EFL1: variants seen among roughly 807,000 people sequenced by gnomAD.
The protein encoded by EFL1 is elongation factor-like GTPase 1.
In EFL1, 76 loss-of-function variants were observed where a neutral mutation model predicts 126.7. That is an observed-to-expected ratio of 0.60 (90% CI 0.50 to 0.73). The LOEUF (loss-of-function observed/expected upper bound fraction) is 0.73. Ranked by LOEUF, EFL1 falls within the 30% of genes least tolerant of loss-of-function variation. EFL1 has a pLI of 0.00. For synonymous variants in EFL1, 410 were observed against 448.4 expected (o/e 0.91, Z 1.08); for missense variants, 1,128 against 1,343.2 (o/e 0.84, Z 2.50).
At chr15:82,136,845 A>G (rs546015888) in intron 19 of EFL1, among the ~76,000 whole-genome samples, 1 of 152,318 alleles carries the variant, frequency 6.6e-6, no homozygotes, top group East Asian at 1.9e-4. Context: ...GCAATATCGC[A>G]TCAGATATAA....
intron 18 of EFL1, among the ~76,000 whole-genome samples, chr15:82,143,336 C>T (rs2073809075): frequency 6.6e-6 from 1 of 152,014 alleles, no homozygotes; most frequent in African/African-American, 2.4e-5. Context: ...TACAGTTATG[C>T]AAAATGTACT....
At chr15:82,186,765 T>G (rs1307211549) in intron 15 of EFL1, among the ~76,000 whole-genome samples, 1 of 152,212 alleles carries the variant, frequency 6.6e-6, no homozygotes, top group Non-Finnish European at 1.5e-5. Flanking sequence ...TAGTCCCACA[T>G]GACTCAGTGT....
At position 82,228,313 on chromosome 15, in the gene EFL1, A is replaced by G; in HGVS notation, c.947T>C (p.Ile316Thr). The part of the protein sequence containing the change: ...DAVLKKDKDK[I>T]DKIVTSLGLK... ...TCCTAAAGAAGTCACTATTTTATCA[A>G]TTTTGTCTTTGTCCCTGTGGTAAAC... Residue 316 changes from isoleucine (I) to threonine (T), a missense_variant, in exon 10 of 20, where the codon ATT becomes ACT. By Grantham distance (89) the Ile-to-Thr change is moderately conservative (BLOSUM62 -1). This residue lies in a region of EFL1 where 316 missense variants were observed against 318.5 expected (regional missense o/e 0.99). Coordinates refer to ENST00000268206, the MANE Select transcript of EFL1 (RefSeq NM_024580.6). The G allele has an allele frequency of 6.2e-7, 1 of 1,613,666 alleles. No homozygotes were observed. The highest frequency in any genetic ancestry group is 8.5e-7 in the Non-Finnish European group (1 of 1,179,846).
intron 15 of EFL1, among the ~76,000 whole-genome samples, chr15:82,191,645 A>G (rs934426015): frequency 4.0e-5 from 6 of 151,258 alleles, no homozygotes; most frequent in Non-Finnish European, 7.4e-5. Flanking sequence ...TACTGGGATC[A>G]TTTCAGGCCA....
chr15:82,231,035 T>C, intron 7 of EFL1, 64 bp from the exon 8 acceptor site: 2 of 1,552,040 alleles, frequency 1.3e-6, no homozygotes, highest in African/African-American at 2.8e-5. Context: ...TGACAGGTAC[T>C]GTTCAAACTT....
rs535286113 is a variant in EFL1, at chr15:82,183,178, A to G, written c.1751-19194T>C. ...TCTGGCTATATACTCAGCGGCAAAAAGTACCAATGTCTCAAATGTAGGGAG... is the reference window on the plus strand; with the variant it reads ...TCTGGCTATATACTCAGCGGCAAAAGGTACCAATGTCTCAAATGTAGGGAG... On this transcript the variant is annotated intron_variant, in intron 15 of 19. Coordinates refer to ENST00000268206, the MANE Select transcript of EFL1 (RefSeq NM_024580.6). Among the ~76,000 whole-genome samples, 86 of 152,334 alleles carry G rather than the reference A, an allele frequency of 5.6e-4. 1 individual carries two copies. The highest frequency in any genetic ancestry group is 5.4e-3 in the Admixed American group (82 of 15,304).
At chr15:82,260,282 C>T (rs2075101839) in intron 2 of EFL1, among the ~76,000 whole-genome samples, 1 of 151,978 alleles carries the variant, frequency 6.6e-6, no homozygotes, top group Non-Finnish European at 1.5e-5. Context: ...AAAATGTGAG[C>T]AGTAAAATTA....
In EFL1 at chr15:82,262,610, T is replaced by C; in HGVS notation, c.-20+4A>G. 1 of 394,462 alleles carries C rather than the reference T, an allele frequency of 2.5e-6. No homozygotes were observed. The highest frequency in any genetic ancestry group is 2.7e-5 in the South Asian group (1 of 36,414). The allele number at this position is 394,462 out of a possible 1,614,324, so 24.4% of individuals were successfully genotyped here. A position where few individuals can be genotyped will look rare whatever the true frequency, so the allele number is the denominator to read the frequency against. ...TCCAGCCCCCAGCGCCAGCCCACACTCACCGGCTGCAGCAGCCCCACCAGC... is the reference window on the plus strand; with the variant it reads ...TCCAGCCCCCAGCGCCAGCCCACACCCACCGGCTGCAGCAGCCCCACCAGC... On this transcript the variant is annotated splice_donor_region_variant and intron_variant, in intron 1 of 19. Coordinates refer to ENST00000268206, the MANE Select transcript of EFL1 (RefSeq NM_024580.6).
At chr15:82,209,316 G>GACACAGACACACACACAC (rs377447819) in intron 15 of EFL1, among the ~76,000 whole-genome samples, 2 of 146,238 alleles carry the variant, frequency 1.4e-5, no homozygotes, top group African/African-American at 5.1e-5. Flanking sequence ...CACAGACACA[G>GACACAGACACACACACAC]ACACACACAC....
intron 19 of EFL1, among the ~76,000 whole-genome samples, chr15:82,131,465 A>AT (rs1242267791): frequency 6.6e-6 from 1 of 151,776 alleles, no homozygotes; most frequent in African/African-American, 2.4e-5. Flanking sequence ...CTAATTTTTA[A>AT]TTTTTTTTCT....
rs755635969 is a variant in EFL1, at chr15:82,228,306, T to A, written c.954A>T (p.Lys318Asn). 1.2e-6 allele frequency: 2 copies of A among 1,613,884 alleles called. No homozygotes were observed. Among genetic ancestry groups the A allele is most frequent in the Non-Finnish European group, 1.7e-6 (2 of 1,179,918 alleles). ...TTTTTAATCCTAAAGAAGTCACTAT[T>A]TTATCAATTTTGTCTTTGTCCCTGT... ...VLKKDKDKID[K>N]IVTSLGLKIG... Residue 318 changes from lysine (K) to asparagine (N), a missense_variant, in exon 10 of 20, where the codon AAA (lysine) becomes AAT (asparagine). Physicochemically the swap from Lys to Asn is moderately conservative, Grantham distance 94. This residue lies in a region of EFL1 where 316 missense variants were observed against 318.5 expected (regional missense o/e 0.99). Transcript: ENST00000268206.
At chr15:82,162,076 A>G (rs1016947156) in intron 16 of EFL1, among the ~76,000 whole-genome samples, 9 of 152,210 alleles carry the variant, frequency 5.9e-5, no homozygotes, top group Middle Eastern at 3.2e-3. Context: ...TCAGGAGTTT[A>G]GGACCAGTCT....
intron 15 of EFL1, among the ~76,000 whole-genome samples, chr15:82,181,105 T>C (rs1374783785): frequency 1.3e-5 from 2 of 152,160 alleles, no homozygotes; most frequent in African/African-American, 4.8e-5. Context: ...AAATATAGAA[T>C]GGATAAAATG....
chr15:82,171,713 A>C (rs1395996520), intron 15 of EFL1, among the ~76,000 whole-genome samples: 1 of 152,156 alleles, frequency 6.6e-6, no homozygotes, highest in Non-Finnish European at 1.5e-5. Flanking sequence ...GCTGTGGACT[A>C]CTAGAGAGTG....
chr15:82,185,612 A>G (rs1011055111), intron 15 of EFL1, among the ~76,000 whole-genome samples: 4 of 152,160 alleles, frequency 2.6e-5, no homozygotes, highest in Admixed American at 6.5e-5. Context: ...GCTTTTACCA[A>G]TAAATCAGAA....
chr15:82,142,291 G>A (rs1181235196), intron 18 of EFL1, among the ~76,000 whole-genome samples: 1 of 152,172 alleles, frequency 6.6e-6, no homozygotes, highest in East Asian at 1.9e-4. Flanking sequence ...GAACGCTTGA[G>A]ACCAGCCTAG....
intron 3 of EFL1, among the ~76,000 whole-genome samples, chr15:82,254,899 T>G (rs1341216880): frequency 6.6e-6 from 1 of 152,194 alleles, no homozygotes; most frequent in Admixed American, 6.5e-5. Context: ...CCACTGTCAG[T>G]ACTGATGTAC....
intron 1 of EFL1, 93 bp from the exon 2 acceptor site, chr15:82,261,890 C>T: frequency 4.4e-6 from 4 of 907,672 alleles, no homozygotes; most frequent in Non-Finnish European, 5.0e-6. Flanking sequence ...TGGCAAGCTT[C>T]TCAAACCCCT....
At chr15:82,176,461 A>G (rs1387300572) in intron 15 of EFL1, among the ~76,000 whole-genome samples, 1 of 152,238 alleles carries the variant, frequency 6.6e-6, no homozygotes, top group African/African-American at 2.4e-5. Context: ...TTTATGCAGA[A>G]TATATAAAGA....
Sources: gnomAD v4.1 joint callset for allele counts (sites outside exome capture counted in the v4.1 genomes callset) on GRCh38, gnomAD v4.1.1 for gene constraint, gnomAD v4.1.1 regional missense constraint, MANE v1.5 for transcripts, NCBI Gene and HGNC (gene_info 2026-07-23, HGNC 2026-07-21) for gene names.